PROS1: variants seen among roughly 807,000 people sequenced by gnomAD.
PROS1 encodes protein S.
PROS1 carries 29 observed loss-of-function variants against 75.9 expected under a neutral mutation model. The ratio of observed to expected loss-of-function variants is 0.38; its 90% CI spans 0.28 to 0.52. PROS1 has a LOEUF of 0.52. PROS1 is among the 20% of genes least tolerant of loss of function. The pLI is 0.83. For missense variants in PROS1, 680 were observed against 810.3 expected, an observed-to-expected ratio of 0.84 and a Z score of 1.95; for synonymous variants, 245 against 280.6, an observed-to-expected ratio of 0.87 and a Z score of 1.27.
chr3:93,877,234 G>GTAA lies in PROS1; in HGVS notation c.1645-46_1645-44dup, dbSNP rs775306175. 3 of 1,437,536 alleles carry GTAA rather than the reference G, an allele frequency of 2.1e-6. No individual in the cohort carries two copies. The African/African-American group carries it at 4.2e-5, about 20-fold the overall frequency. The allele number at this position is 1,437,536 out of a possible 1,614,324, so 89.0% of individuals were successfully genotyped here. A position where few individuals can be genotyped will look rare whatever the true frequency, so the allele number is the denominator to read the frequency against. ...GATTCAATATAAGCAAGGAGTAAGA[G>GTAA]TAATGCTGCTTAAGAGTGACTTTTG... On this transcript the variant is annotated intron_variant, in intron 13 of 14. Coordinates refer to ENST00000394236, the MANE Select transcript of PROS1 (RefSeq NM_000313.4).
intron 11 of PROS1, among the ~76,000 whole-genome samples, chr3:93,885,700 T>C (rs188229127): frequency 6.6e-6 from 1 of 152,356 alleles, no homozygotes; most frequent in Admixed American, 6.5e-5. Flanking sequence ...TTTATTTTAC[T>C]TTTAAAGTGT....
At chr3:93,889,921 G>C (rs1455657556) in intron 10 of PROS1, among the ~76,000 whole-genome samples, 2 of 152,106 alleles carry the variant, frequency 1.3e-5, no homozygotes, top group South Asian at 4.1e-4. Context: ...ACAACCATAA[G>C]GTCTGACTGC....
intron 3 of PROS1, among the ~76,000 whole-genome samples, chr3:93,912,451 G>C (rs1421052618): frequency 1.3e-5 from 2 of 152,090 alleles, no homozygotes; most frequent in Admixed American, 6.6e-5. Flanking sequence ...GATATGTCTG[G>C]GGCGGGGAGG....
intron 12 of PROS1, among the ~76,000 whole-genome samples, chr3:93,880,713 A>T (rs1172805868): frequency 6.6e-6 from 1 of 152,222 alleles, no homozygotes; most frequent in Non-Finnish European, 1.5e-5. Context: ...ACTCAAACTA[A>T]AATGAACACA....
At chr3:93,970,490 C>A (rs976985959) in intron 1 of PROS1, among the ~76,000 whole-genome samples, 1 of 152,056 alleles carries the variant, frequency 6.6e-6, no homozygotes, top group African/African-American at 2.4e-5. Flanking sequence ...TGTGTACCAA[C>A]ACATCCGGCT....
intron 12 of PROS1, among the ~76,000 whole-genome samples, chr3:93,880,158 C>T (rs546825660): frequency 4.6e-5 from 7 of 152,236 alleles, no homozygotes; most frequent in African/African-American, 1.7e-4. Context: ...AGATGTTCTT[C>T]CACTTAGCCA....
At chr3:93,925,234 C>G (rs536087806) in intron 2 of PROS1, among the ~76,000 whole-genome samples, 69 of 152,220 alleles carry the variant, frequency 4.5e-4, no homozygotes, top group African/African-American at 1.6e-3. Flanking sequence ...TCATGAGAAA[C>G]CAGAATTTCT....
At chr3:93,951,116 T>G (rs577361240) in intron 1 of PROS1, among the ~76,000 whole-genome samples, 2 of 152,274 alleles carry the variant, frequency 1.3e-5, no homozygotes, top group East Asian at 1.9e-4. Context: ...AATCTATGTC[T>G]GATTGGTGTA....
At chr3:93,916,301 GA>G (rs961882633) in intron 3 of PROS1, among the ~76,000 whole-genome samples, 23 of 152,238 alleles carry the variant, frequency 1.5e-4, no homozygotes, top group African/African-American at 4.1e-4. Context: ...TCGTTTTTGA[GA>G]AAGCTTCATT....
chr3:93,896,577 T>C lies in PROS1; in HGVS notation c.964A>G (p.Arg322Gly). The stretch of plus-strand genomic sequence containing the variant: ...TTATCATTGGTATTGGTTCCTCACC[T>C]GCTGATTTCTGGCAAACGAAATTTT... ...YLKFRLPEIS[R>G]FSAEFDFRTY... The change falls in exon 9 of 15, where the codon AGA becomes GGA. Residue 322 changes from arginine (R) to glycine (G), a missense_variant and splice_region_variant. Transcript: ENST00000394236. The C allele has an allele frequency of 6.3e-7, 1 of 1,599,524 alleles. No individual in the cohort carries two copies. Among genetic ancestry groups the C allele is most frequent in the East Asian group, 2.2e-5 (1 of 44,754 alleles).
chr3:93,913,477 C>T (rs1051663230), intron 3 of PROS1, among the ~76,000 whole-genome samples: 1 of 152,194 alleles, frequency 6.6e-6, no homozygotes, highest in African/African-American at 2.4e-5. Context: ...TCTGCCTTGA[C>T]TATGAGGCCT....
At chr3:93,944,042 G>T (rs1330221534) in intron 1 of PROS1, among the ~76,000 whole-genome samples, 13 of 152,256 alleles carry the variant, frequency 8.5e-5, no homozygotes, top group Non-Finnish European at 2.9e-5. Context: ...AAGCCTGTTT[G>T]GTAGTCACTT....
intron 3 of PROS1, among the ~76,000 whole-genome samples, chr3:93,921,479 A>G (rs1470434120): frequency 1.3e-5 from 2 of 152,194 alleles, no homozygotes; most frequent in Non-Finnish European, 2.9e-5. Flanking sequence ...AATTTGGAAG[A>G]GTTCATTTGT....
intron 1 of PROS1, among the ~76,000 whole-genome samples, chr3:93,960,532 CTTTTTTTTTTTTTTT>C (rs774875701): frequency 2.2e-4 from 11 of 50,118 alleles, no homozygotes; most frequent in Admixed American, 6.6e-4. Flanking sequence ...CTCCATTGCT[CTTTTTTTTTTTTTTT>C]TTTTTTTTTT....
chr3:93,907,077 C>T (rs1451527175), intron 4 of PROS1, among the ~76,000 whole-genome samples: 2 of 152,206 alleles, frequency 1.3e-5, no homozygotes, highest in Admixed American at 6.5e-5. Context: ...CCTGTGAAGT[C>T]CCACCTTCAG....
intron 14 of PROS1, among the ~76,000 whole-genome samples, chr3:93,876,177 T>C (rs1198045028): frequency 1.3e-5 from 2 of 152,318 alleles, no homozygotes; most frequent in East Asian, 3.9e-4. Context: ...TCCTCATCTG[T>C]AAAATGGGGA....
At chr3:93,909,298 G>C (rs1315151502) in intron 4 of PROS1, among the ~76,000 whole-genome samples, 2 of 151,956 alleles carry the variant, frequency 1.3e-5, no homozygotes, top group Non-Finnish European at 2.9e-5. Context: ...AGCCAGGAGT[G>C]ATGATATGTG....
intron 1 of PROS1, among the ~76,000 whole-genome samples, chr3:93,947,938 A>T (rs1349346697): frequency 1.3e-5 from 2 of 152,190 alleles, no homozygotes; most frequent in South Asian, 4.1e-4. Flanking sequence ...CAATTTTCAC[A>T]TAGGCACCTA....
intron 2 of PROS1, among the ~76,000 whole-genome samples, chr3:93,925,549 G>C (rs1709003699): frequency 6.6e-6 from 1 of 151,876 alleles, no homozygotes; most frequent in Non-Finnish European, 1.5e-5. Flanking sequence ...TTTGGTGGGG[G>C]TGGGGCAGAG....
Sources: gnomAD v4.1 joint callset for allele counts (sites outside exome capture counted in the v4.1 genomes callset) on GRCh38, gnomAD v4.1.1 for gene constraint, MANE v1.5 for transcripts, NCBI Gene and HGNC (gene_info 2026-07-23, HGNC 2026-07-21) for gene names.